The following NBEA variants were observed in gnomAD, a reference collection of about 807,000 sequenced individuals.
NBEA encodes neurobeachin, also known as lysosomal-trafficking regulator 2.
Under a neutral mutation model 343.4 loss-of-function variants are expected in NBEA, and 44 were observed. That is an observed-to-expected ratio of 0.13 (90% CI 0.10 to 0.16). NBEA has a LOEUF of 0.16. Among genes scored for constraint, NBEA ranks in the 10% least tolerant of loss-of-function variants. The pLI is 1.00. For missense variants in NBEA, 2,555 were observed against 3,631.3 expected (o/e 0.70, Z 7.62); for synonymous variants, 1,175 against 1,238.7 (o/e 0.95, Z 1.08).
In NBEA at chr13:34,942,728, A is replaced by T; in HGVS notation, c.-93A>T. 9.4e-7 allele frequency: 1 copy of T among 1,061,834 alleles called. No individual in the cohort carries two copies. Among genetic ancestry groups the T allele is most frequent in the Non-Finnish European group, 1.2e-6 (1 of 832,886 alleles). The allele number at this position is 1,061,834 out of a possible 1,614,324, so 65.8% of individuals were successfully genotyped here. A position where few individuals can be genotyped will look rare whatever the true frequency, so the allele number is the denominator to read the frequency against. ...GGCGCTGGTGGATGCTGGGGCTCCG[A>T]GGCGACGGCCGGGGGGCGGGGGCCG... is the stretch of plus-strand genomic sequence containing the variant. On this transcript the variant is annotated 5_prime_UTR_variant, in exon 1 of 59. Transcript: ENST00000379939.
chr13:34,944,294 T>C (rs923933954), intron 1 of NBEA, among the ~76,000 whole-genome samples: 22 of 152,202 alleles, frequency 1.4e-4, no homozygotes, highest in African/African-American at 5.1e-4. Context: ...GCAATTATTT[T>C]TACTTACTCT....
At chr13:35,160,123 C>T (rs185790756) in intron 22 of NBEA, 91 bp downstream of exon 22, 2 of 1,163,642 alleles carry the variant, frequency 1.7e-6, no homozygotes, top group Non-Finnish European at 2.4e-6. Context: ...TCAGTTACTT[C>T]ATGTTTATAT....
chr13:35,442,663 A>G (rs996927566), intron 39 of NBEA, among the ~76,000 whole-genome samples: 14 of 152,088 alleles, frequency 9.2e-5, no homozygotes, highest in Admixed American at 9.2e-4. Context: ...CTGTTTATGA[A>G]TTTCCCGTTT....
intron 1 of NBEA, among the ~76,000 whole-genome samples, chr13:34,966,877 C>T (rs562788086): frequency 1.8e-4 from 27 of 151,488 alleles, no homozygotes; most frequent in Non-Finnish European, 3.8e-4. Flanking sequence ...GAAATATTTG[C>T]TGTTCTAAGA....
chr13:35,455,575 T>G (rs2046539692), intron 40 of NBEA, among the ~76,000 whole-genome samples: 1 of 152,174 alleles, frequency 6.6e-6, no homozygotes, highest in Admixed American at 6.5e-5. Context: ...GCAGTTACTC[T>G]TCAGTACATT....
In NBEA at chr13:35,238,976, T is replaced by A. The variant is rs576821050; in HGVS notation, c.5776+6357T>A. The stretch of plus-strand genomic sequence containing the variant: ...TCACAGATCATTTGTAGTAGCATTA[T>A]AGGCACATAATCAGAAAAACTTGCC... On this transcript the variant is annotated intron_variant, in intron 34 of 58. Transcript: ENST00000379939. Among the ~76,000 whole-genome samples, 14 of 152,228 alleles carry A rather than the reference T, an allele frequency of 9.2e-5. No individual in the cohort carries two copies. The South Asian group carries it at 1.7e-3, about 18-fold the overall frequency.
chr13:35,475,543 C>A, intron 41 of NBEA: 3 of 1,613,200 alleles, frequency 1.9e-6, no homozygotes, highest in Non-Finnish European at 2.5e-6. Flanking sequence ...CTCCGCCACC[C>A]GGTTGGGTCC....
chr13:35,187,481 A>G (rs61188458), intron 30 of NBEA, among the ~76,000 whole-genome samples: 6,657 of 149,768 alleles, frequency 0.044, 172 homozygotes, highest in South Asian at 0.079. Flanking sequence ...TATAATAAAT[A>G]TTTTATAATA....
chr13:35,264,698 T>C (rs2033515794), intron 34 of NBEA, among the ~76,000 whole-genome samples: 1 of 151,904 alleles, frequency 6.6e-6, no homozygotes, highest in Non-Finnish European at 1.5e-5. Context: ...AAATTCATTG[T>C]TTTTGCATGA....
intron 34 of NBEA, among the ~76,000 whole-genome samples, chr13:35,255,851 G>T (rs2032528614): frequency 6.6e-6 from 1 of 152,244 alleles, no homozygotes; most frequent in South Asian, 2.1e-4. Context: ...CCAAGTTCTT[G>T]ACCCATGTTC....
chr13:35,231,489 C>T (rs143127794), intron 33 of NBEA, among the ~76,000 whole-genome samples: 1 of 151,956 alleles, frequency 6.6e-6, no homozygotes, highest in Non-Finnish European at 1.5e-5. Context: ...CTGTACATAT[C>T]GTCTGTGTAG....
intron 41 of NBEA, among the ~76,000 whole-genome samples, chr13:35,490,093 G>A (rs529190520): frequency 2.3e-4 from 35 of 151,738 alleles, no homozygotes; most frequent in Non-Finnish European, 1.0e-4. Flanking sequence ...TTTGTTGTGC[G>A]GGTTCAGATC....
chr13:35,624,845 C>T lies in NBEA; in HGVS notation c.7450-3236C>T, dbSNP rs745985589. ...CATGATAAATACATAGGAGAGAGAG[C>T]AAAAGAAAAGGAGGAAGGAGACTGG... On this transcript the variant is annotated intron_variant, in intron 48 of 58. Coordinates refer to ENST00000379939, the MANE Select transcript of NBEA (RefSeq NM_001385012.1). 6.6e-5 allele frequency among the ~76,000 whole-genome samples: 10 copies of T among 151,890 alleles called. No individual in the cohort carries two copies. In the South Asian group the frequency reaches 1.9e-3, roughly 28 times the overall value.
Position 35,665,111 on chromosome 13 carries a change from C to T in NBEA, c.8389C>T (p.Leu2797Phe). 11 of 1,580,390 alleles carry T rather than the reference C, an allele frequency of 7.0e-6. No individual in the cohort carries two copies. The highest frequency in any genetic ancestry group is 8.6e-6 in the Non-Finnish European group (10 of 1,160,714). ...SSDYPAPRAV[L>F]TGHDHEVVCV... ...TGACTATCCGGCACCAAGAGCCGTC[C>T]TCACAGGCCATGACCATGAAGTTGT... The change falls in exon 56 of 59, where the codon CTC becomes TTC. Residue 2797 changes from leucine to phenylalanine, a missense_variant. Leu to Phe is a conservative substitution (Grantham distance 22). Coordinates refer to ENST00000379939, the MANE Select transcript of NBEA (RefSeq NM_001385012.1).
intron 40 of NBEA, among the ~76,000 whole-genome samples, chr13:35,468,983 C>A (rs935777148): frequency 6.6e-6 from 1 of 150,972 alleles, no homozygotes; most frequent in Non-Finnish European, 1.5e-5. Flanking sequence ...CCTGTACTCC[C>A]AGCTACTCAG....
intron 10 of NBEA, among the ~76,000 whole-genome samples, chr13:35,097,653 T>G (rs567735095): frequency 6.7e-4 from 102 of 152,144 alleles, no homozygotes; most frequent in African/African-American, 2.3e-3. Flanking sequence ...GTGCTTAACT[T>G]TGACACCTCT....
chr13:35,391,823 A>G (rs2042513562), intron 38 of NBEA, among the ~76,000 whole-genome samples: 1 of 152,182 alleles, frequency 6.6e-6, no homozygotes, highest in Non-Finnish European at 1.5e-5. Context: ...TGATTGTCAA[A>G]CCAAGTCATC....
chr13:35,440,539 T>A (rs2045682921), intron 39 of NBEA, among the ~76,000 whole-genome samples: 1 of 152,118 alleles, frequency 6.6e-6, no homozygotes, highest in South Asian at 2.1e-4. Flanking sequence ...CCCAAGCCAA[T>A]GAGTGGGAGA....
intron 1 of NBEA, among the ~76,000 whole-genome samples, chr13:34,985,002 C>T (rs1593364667): frequency 6.6e-6 from 1 of 151,152 alleles, no homozygotes; most frequent in South Asian, 2.1e-4. Context: ...AATTTGACTT[C>T]TTCTTTTCCT....
Sources: allele counts gnomAD v4.1 joint callset (sites outside exome capture counted in the v4.1 genomes callset), GRCh38; gene constraint gnomAD v4.1.1; transcripts MANE v1.5; gene names NCBI Gene and HGNC (gene_info 2026-07-23, HGNC 2026-07-21).